EYS: variants seen among roughly 807,000 people sequenced by gnomAD.
The protein encoded by EYS is EGF-like photoreceptor maintenance factor.
In EYS, 250 loss-of-function variants were observed where a neutral mutation model predicts 282.1. The observed-to-expected ratio is 0.89, with a 90% CI of 0.80 to 0.98. The LOEUF (loss-of-function observed/expected upper bound fraction) is 0.98. Ranked by LOEUF, EYS falls within the 50% of genes least tolerant of loss-of-function variation. The pLI is 0.00. For missense variants in EYS, 4,016 were observed against 3,709.0 expected (o/e 1.08, Z -2.15); for synonymous variants, 1,355 against 1,282.9 (o/e 1.06, Z -1.20).
At chr6:64,916,510 A>C (rs753256810) in intron 15 of EYS, among the ~76,000 whole-genome samples, 3 of 152,234 alleles carry the variant, frequency 2.0e-5, no homozygotes, top group Non-Finnish European at 4.4e-5. Context: ...ACAGGTTTAC[A>C]TATTTGAATC....
rs546618864 is a variant in EYS, at chr6:65,137,619, C to A, written c.2024-79892G>T. On this transcript the variant is annotated intron_variant, in intron 12 of 42. Transcript: ENST00000503581. ...AAAGCAGGAAGCCACTAAATTAGCTCATGTGAGTGATAATGGCTGCTGGAT... is the reference window on the plus strand; with the variant it reads ...AAAGCAGGAAGCCACTAAATTAGCTAATGTGAGTGATAATGGCTGCTGGAT... Among the ~76,000 whole-genome samples, 12 of 152,034 alleles carry A rather than the reference C, an allele frequency of 7.9e-5. No individual in the cohort carries two copies. The South Asian group carries it at 2.3e-3, about 29-fold the overall frequency.
At chr6:63,973,946 C>A (rs1766710827) in intron 35 of EYS, among the ~76,000 whole-genome samples, 1 of 141,128 alleles carries the variant, frequency 7.1e-6, no homozygotes, top group Non-Finnish European at 1.6e-5. Context: ...ACAATATCTA[C>A]CAGCAAATGG....
At chr6:65,666,473 G>T (rs1005523012) in intron 1 of EYS, among the ~76,000 whole-genome samples, 1 of 151,682 alleles carries the variant, frequency 6.6e-6, no homozygotes, top group African/African-American at 2.4e-5. Flanking sequence ...GCTTTACATA[G>T]CATATTTAAA....
At chr6:65,261,989 C>T (rs1177493506) in intron 12 of EYS, among the ~76,000 whole-genome samples, 2 of 152,034 alleles carry the variant, frequency 1.3e-5, no homozygotes, top group Non-Finnish European at 2.9e-5. Flanking sequence ...TCAAACTATT[C>T]AATCAAATCT....
chr6:64,849,981 C>G (rs538786201), intron 19 of EYS, among the ~76,000 whole-genome samples: 1 of 152,058 alleles, frequency 6.6e-6, no homozygotes, highest in African/African-American at 2.4e-5. Flanking sequence ...TTCACTCACA[C>G]TCACAGGGAG....
chr6:64,315,209 C>G lies in EYS; in HGVS notation c.6079-8127G>C, dbSNP rs981071005. Among the ~76,000 whole-genome samples, 42 of 152,112 alleles carry G rather than the reference C, an allele frequency of 2.8e-4. 1 individual carries two copies. The highest frequency in any genetic ancestry group is 2.9e-5 in the Non-Finnish European group (2 of 68,014). On this transcript the variant is annotated intron_variant, in intron 29 of 42. Transcript: ENST00000503581. ...ATAAATTTCTGGACACATACACACT[C>G]CTAAGAATAAACAAGGAAGATGTCA...
intron 12 of EYS, among the ~76,000 whole-genome samples, chr6:65,160,053 T>C (rs958727305): frequency 1.3e-5 from 2 of 151,054 alleles, no homozygotes; most frequent in African/African-American, 4.8e-5. Context: ...TTTGATTTTT[T>C]GTGCCAAAAT....
chr6:64,504,391 T>C (rs1273241823), intron 26 of EYS, among the ~76,000 whole-genome samples: 1 of 152,206 alleles, frequency 6.6e-6, no homozygotes, highest in Non-Finnish European at 1.5e-5. Flanking sequence ...TAAGAACCCA[T>C]CTGACAATGT....
chr6:64,835,558 T>C (rs1765357413), intron 19 of EYS, among the ~76,000 whole-genome samples: 1 of 151,720 alleles, frequency 6.6e-6, no homozygotes, highest in South Asian at 2.1e-4. Context: ...CTGAATCTTA[T>C]GTACTAGGTA....
Position 65,133,500 on chromosome 6 carries a change from A to T in EYS, c.2024-75773T>A, listed in dbSNP as rs765400753. On this transcript the variant is annotated intron_variant, in intron 12 of 42. Transcript: ENST00000503581. The stretch of plus-strand genomic sequence containing the variant: ...AACACCTACAACCACCTGATGTTCT[A>T]CAAAGCTGACAAGCAGTGTGAAAAG... Among the ~76,000 whole-genome samples, 152 of 152,084 alleles carry T rather than the reference A, an allele frequency of 1.0e-3. 1 individual carries two copies. Among genetic ancestry groups the T allele is most frequent in the Non-Finnish European group, 1.7e-3 (115 of 67,920 alleles).
At chr6:64,328,405 C>G (rs915173573) in intron 29 of EYS, among the ~76,000 whole-genome samples, 3 of 152,114 alleles carry the variant, frequency 2.0e-5, no homozygotes, top group Non-Finnish European at 4.4e-5. Flanking sequence ...TATCGAGAGG[C>G]ACTCCTAAAT....
intron 22 of EYS, among the ~76,000 whole-genome samples, chr6:64,653,521 T>C (rs1188161806): frequency 6.6e-6 from 1 of 152,072 alleles, no homozygotes; most frequent in Non-Finnish European, 1.5e-5. Context: ...CATGTTTCAG[T>C]TCATTAATTT....
intron 31 of EYS, among the ~76,000 whole-genome samples, chr6:64,199,731 G>GA (rs137910520): frequency 1.6e-4 from 24 of 150,472 alleles, no homozygotes; most frequent in African/African-American, 5.1e-4. Flanking sequence ...AAATTTACAA[G>GA]AAAAAAAAAT....
At chr6:64,022,923 G>C (rs1300250375) in intron 33 of EYS, among the ~76,000 whole-genome samples, 2 of 152,140 alleles carry the variant, frequency 1.3e-5, no homozygotes, top group African/African-American at 4.8e-5. Flanking sequence ...TGAAATTCTT[G>C]CTTCTCAAAT....
chr6:65,456,448 CA>C (rs5876965), intron 5 of EYS, among the ~76,000 whole-genome samples: 15,849 of 129,870 alleles, frequency 0.12, 1,229 homozygotes, highest in African/African-American at 0.25. Context: ...GACTCTGTCT[CA>C]AAAAAAAAAA....
intron 14 of EYS, among the ~76,000 whole-genome samples, chr6:64,984,324 A>C (rs1219726649): frequency 6.6e-6 from 1 of 151,406 alleles, no homozygotes; most frequent in East Asian, 1.9e-4. Flanking sequence ...CCAAACTATC[A>C]ACTGAAAACT....
At chr6:64,244,728 T>C (rs1482320783) in intron 30 of EYS, among the ~76,000 whole-genome samples, 1 of 152,218 alleles carries the variant, frequency 6.6e-6, no homozygotes, top group African/African-American at 2.4e-5. Context: ...TCATTAATTC[T>C]CTTCACAGCT....
chr6:64,342,440 C>A (rs1448162277), intron 29 of EYS, among the ~76,000 whole-genome samples: 2 of 151,914 alleles, frequency 1.3e-5, no homozygotes, highest in Non-Finnish European at 2.9e-5. Context: ...AATTTTCAAC[C>A]TAGAATTTCA....
chr6:64,619,885 G>T (rs1767390435), intron 23 of EYS, among the ~76,000 whole-genome samples: 1 of 152,076 alleles, frequency 6.6e-6, no homozygotes. Flanking sequence ...AAGAGACAGA[G>T]AAATAATTTA....
Sources: gnomAD v4.1 joint callset for allele counts (sites outside exome capture counted in the v4.1 genomes callset) on GRCh38, gnomAD v4.1.1 for gene constraint, MANE v1.5 for transcripts, NCBI Gene and HGNC (gene_info 2026-07-23, HGNC 2026-07-21) for gene names.